The following TMEM161B variants were observed in gnomAD, a reference collection of about 807,000 sequenced individuals.
TMEM161B encodes the protein transmembrane protein 161B.
Under a neutral mutation model 61.8 loss-of-function variants are expected in TMEM161B, and 34 were observed. That is an observed-to-expected ratio of 0.55 (90% CI 0.42 to 0.73). The LOEUF is 0.73. Ranked by LOEUF, TMEM161B falls within the 30% of genes least tolerant of loss-of-function variation. The probability of loss-of-function intolerance (pLI) is 0.00; values close to 1 mark genes in which losing one functional copy is unlikely to be tolerated. For missense variants in TMEM161B, 456 were observed against 558.5 expected (o/e 0.82, Z 1.85); for synonymous variants, 167 against 192.8 (o/e 0.87, Z 1.11).
intron 1 of TMEM161B, among the ~76,000 whole-genome samples, chr5:88,265,228 T>A (rs2112796649): frequency 6.6e-6 from 1 of 152,302 alleles, no homozygotes; most frequent in South Asian, 2.1e-4. Context: ...AACTAGTATA[T>A]TAACCCACTT....
At chr5:88,234,453 C>T (rs1751524283) in intron 2 of TMEM161B, among the ~76,000 whole-genome samples, 1 of 152,182 alleles carries the variant, frequency 6.6e-6, no homozygotes, top group Admixed American at 6.5e-5. Context: ...GTAAAACCTA[C>T]AAGTACAGTT....
At chr5:88,240,459 G>C (rs1383292408) in intron 2 of TMEM161B, among the ~76,000 whole-genome samples, 2 of 151,772 alleles carry the variant, frequency 1.3e-5, no homozygotes, top group Non-Finnish European at 2.9e-5. Context: ...AAAGAAGGTA[G>C]GGGTGGGAGG....
intron 1 of TMEM161B, among the ~76,000 whole-genome samples, chr5:88,241,967 C>T (rs539786853): frequency 6.6e-6 from 1 of 151,886 alleles, no homozygotes; most frequent in East Asian, 1.9e-4. Flanking sequence ...AAGCAAATCT[C>T]TCTATCTGTG....
At chr5:88,216,741 G>A (rs1003627052) in intron 5 of TMEM161B, among the ~76,000 whole-genome samples, 4 of 152,134 alleles carry the variant, frequency 2.6e-5, no homozygotes, top group East Asian at 1.9e-4. Context: ...CACAGTCTCC[G>A]GTTAAATATT....
intron 1 of TMEM161B, among the ~76,000 whole-genome samples, chr5:88,251,567 T>C (rs1053163959): frequency 1.4e-5 from 2 of 147,794 alleles, no homozygotes; most frequent in East Asian, 2.1e-4. Context: ...GCCTGGCCAA[T>C]GCCCAAAAAT....
chr5:88,221,678 T>G (rs1749011551), intron 4 of TMEM161B: 1 of 455,930 alleles, frequency 2.2e-6, no homozygotes. Context: ...CATCACCCTT[T>G]GCATCTCAGG....
chr5:88,253,568 G>A (rs1370856505), intron 1 of TMEM161B, among the ~76,000 whole-genome samples: 1 of 152,164 alleles, frequency 6.6e-6, no homozygotes, highest in African/African-American at 2.4e-5. Context: ...AGTTCCACAT[G>A]GCTAGACTTT....
chr5:88,202,750 C>A, intron 9 of TMEM161B: 2 of 545,890 alleles, frequency 3.7e-6, no homozygotes, highest in Non-Finnish European at 3.2e-6. Context: ...AATATTAGTG[C>A]AAGGTAATAA....
chr5:88,268,048 CCCTA>C (rs1482339390), intron 1 of TMEM161B, among the ~76,000 whole-genome samples: 1 of 152,108 alleles, frequency 6.6e-6, no homozygotes, highest in African/African-American at 2.4e-5. Flanking sequence ...TCTTATTTAC[CCCTA>C]CCAACAAAAG....
chr5:88,195,806 G>C lies in TMEM161B; in HGVS notation c.*405C>G. The C allele has an allele frequency of 1.0e-6, 1 of 991,398 alleles. No homozygotes were observed. Among genetic ancestry groups the C allele is most frequent in the African/African-American group, 1.7e-5 (1 of 57,372 alleles). 61.4% of individuals were successfully genotyped at this position (991,398 alleles called of 1,614,324 possible). A position where few individuals can be genotyped will look rare whatever the true frequency, so the allele number is the denominator to read the frequency against. ...CCTCCCCTAAAGCATGGCTCAGTTT[G>C]AAGATTGTTCTATAGGCAGCCACTA... On this transcript the variant is annotated 3_prime_UTR_variant, in exon 12 of 12. Coordinates refer to ENST00000296595, the MANE Select transcript of TMEM161B (RefSeq NM_153354.5).
At chr5:88,264,964 A>G (rs1316896346) in intron 1 of TMEM161B, among the ~76,000 whole-genome samples, 1 of 152,146 alleles carries the variant, frequency 6.6e-6, no homozygotes, top group African/African-American at 2.4e-5. Flanking sequence ...GGAGAGCATT[A>G]GGACAAATAC....
intron 5 of TMEM161B, among the ~76,000 whole-genome samples, chr5:88,212,437 C>T (rs572281587): frequency 6.6e-6 from 1 of 152,272 alleles, no homozygotes; most frequent in South Asian, 2.1e-4. Flanking sequence ...TGAAGATAAG[C>T]TTCCAAATGA....
chr5:88,224,208 T>A lies in TMEM161B; in HGVS notation c.289+1561A>T, dbSNP rs1336497620. Among the ~76,000 whole-genome samples the A allele has an allele frequency of 2.0e-5, 3 of 152,104 alleles. No individual in the cohort carries two copies. In the East Asian group the frequency reaches 5.8e-4, roughly 29 times the overall value. On this transcript the variant is annotated intron_variant, in intron 4 of 11. Coordinates refer to ENST00000296595, the MANE Select transcript of TMEM161B (RefSeq NM_153354.5). ...TTTCATTTATCACATAAACCAGTGG[T>A]TCTCAAACCTAGTCAAAAATCAAAA...
intron 1 of TMEM161B, among the ~76,000 whole-genome samples, chr5:88,255,559 T>A (rs1352398769): frequency 6.6e-6 from 1 of 152,226 alleles, no homozygotes; most frequent in East Asian, 1.9e-4. Flanking sequence ...CAATTTCATA[T>A]AGTTCATCTT....
intron 5 of TMEM161B, among the ~76,000 whole-genome samples, chr5:88,215,952 G>T (rs893753012): frequency 1.4e-4 from 21 of 152,156 alleles, no homozygotes; most frequent in Admixed American, 1.2e-3. Flanking sequence ...GTGAGGAAAA[G>T]AATATTCAAT....
At chr5:88,258,871 A>C (rs571140341) in intron 1 of TMEM161B, among the ~76,000 whole-genome samples, 13 of 152,334 alleles carry the variant, frequency 8.5e-5, no homozygotes, top group African/African-American at 3.1e-4. Flanking sequence ...CTATATAAAC[A>C]AATAATTTAG....
At chr5:88,266,468 C>T (rs1756389455) in intron 1 of TMEM161B, among the ~76,000 whole-genome samples, 2 of 152,080 alleles carry the variant, frequency 1.3e-5, no homozygotes, top group South Asian at 4.1e-4. Flanking sequence ...TGTAACTATC[C>T]TCAAAAATGT....
chr5:88,223,749 C>T lies in TMEM161B; in HGVS notation c.289+2020G>A, dbSNP rs1429907572. ...AAAAAATACAAAAAAATTAGCCAGG[C>T]GTGGTGGCAGGCGCCTGTAGTCCTA... On this transcript the variant is annotated intron_variant, in intron 4 of 11. Transcript: ENST00000296595. Among the ~76,000 whole-genome samples, 11 of 151,914 alleles carry T rather than the reference C, an allele frequency of 7.2e-5. 1 individual carries two copies. Among genetic ancestry groups the T allele is most frequent in the Admixed American group, 6.6e-4 (10 of 15,232 alleles).
chr5:88,205,807 C>A lies in TMEM161B; in HGVS notation c.800+7G>T. 1 of 1,611,652 alleles carries A rather than the reference C, an allele frequency of 6.2e-7. No homozygotes were observed. Among genetic ancestry groups the A allele is most frequent in the Non-Finnish European group, 8.5e-7 (1 of 1,178,926 alleles). On this transcript the variant is annotated splice_region_variant and intron_variant, in intron 8 of 11. Coordinates refer to ENST00000296595, the MANE Select transcript of TMEM161B (RefSeq NM_153354.5). ...TCTGCATGTGCTTATGTACATTTTC[C>A]GCTTACTGTGTAATTTTTTCTGTTG...
Sources: gnomAD v4.1 joint callset for allele counts (sites outside exome capture counted in the v4.1 genomes callset) on GRCh38, gnomAD v4.1.1 for gene constraint, MANE v1.5 for transcripts, NCBI Gene and HGNC (gene_info 2026-07-23, HGNC 2026-07-21) for gene names.